The following ITGA11 variants were observed in gnomAD, a reference collection of about 807,000 sequenced individuals.
ITGA11 encodes integrin subunit alpha 11.
Under a neutral mutation model 141.9 loss-of-function variants are expected in ITGA11, and 97 were observed. The ratio of observed to expected loss-of-function variants is 0.68; its 90% CI spans 0.58 to 0.81. The LOEUF (loss-of-function observed/expected upper bound fraction) is 0.81, where lower values mean the gene tolerates loss of function less well. Ranked by LOEUF, ITGA11 falls within the 30% of genes least tolerant of loss-of-function variation. The pLI, the probability that ITGA11 is intolerant of heterozygous loss-of-function variation, is 0.00. For missense variants in ITGA11, 1,387 were observed against 1,559.2 expected (o/e 0.89, Z 1.86); for synonymous variants, 658 against 624.6 (o/e 1.05, Z -0.80).
chr15:68,381,095 TCA>T (rs1236583605), intron 2 of ITGA11, among the ~76,000 whole-genome samples: 1 of 152,152 alleles, frequency 6.6e-6, no homozygotes, highest in Non-Finnish European at 1.5e-5. Context: ...CCATGGGAAC[TCA>T]CAGACCTCTT....
Position 68,333,689 on chromosome 15 carries a change from A to C in ITGA11, c.1426-1211T>G, listed in dbSNP as rs1478483123. Among the ~76,000 whole-genome samples, 2 of 152,180 alleles carry C rather than the reference A, an allele frequency of 1.3e-5. No homozygotes were observed. The highest frequency in any genetic ancestry group is 2.1e-4 in the South Asian group (1 of 4,830). ...GCCTTCTAAAGGGCCTTCCAGCCTC[A>C]GGCTGGCCCCTTCAGCCCACCCCCA... On this transcript the variant is annotated intron_variant, in intron 12 of 29. Transcript: ENST00000315757. The surrounding 1 kb of genome is among the most constrained non-coding windows in gnomAD (Gnocchi z 4.2).
At chr15:68,386,865 G>A (rs970865607) in intron 2 of ITGA11, among the ~76,000 whole-genome samples, 1 of 152,194 alleles carries the variant, frequency 6.6e-6, no homozygotes, top group African/African-American at 2.4e-5. Context: ...GTACAAGACA[G>A]GCTGATGAGA....
At chr15:68,403,817 T>C (rs1384481178) in intron 1 of ITGA11, among the ~76,000 whole-genome samples, 5 of 152,024 alleles carry the variant, frequency 3.3e-5, no homozygotes, top group Non-Finnish European at 5.9e-5. Context: ...ATTTATTTTT[T>C]AGTAGAGACA....
chr15:68,392,602 T>C (rs1199183168), intron 2 of ITGA11, among the ~76,000 whole-genome samples: 1 of 152,202 alleles, frequency 6.6e-6, no homozygotes, highest in African/African-American at 2.4e-5. Flanking sequence ...TCCTAAGCTG[T>C]GTATGCATAG....
intron 1 of ITGA11, among the ~76,000 whole-genome samples, chr15:68,406,903 GA>G (rs1468105534): frequency 1.3e-5 from 2 of 152,186 alleles, no homozygotes; most frequent in African/African-American, 4.8e-5. Context: ...CCAACCCCAT[GA>G]GACAGATACA....
intron 10 of ITGA11, among the ~76,000 whole-genome samples, chr15:68,347,563 C>T (rs1332082230): frequency 6.6e-6 from 1 of 152,168 alleles, no homozygotes; most frequent in South Asian, 2.1e-4. Flanking sequence ...GTGGCATTTC[C>T]GTCCATCTGC....
rs1378572476 is a variant in ITGA11 at position 68,411,585 on chromosome 15, G to A, written c.53-8556C>T. On this transcript the variant is annotated intron_variant, in intron 1 of 29. Transcript: ENST00000315757. Reference sequence around the variant, plus strand: ...GAGGAACTGGAGGCACAGCGATCCCGTAACTTGTCCCAAGTCACACATCTA... The same window carrying A: ...GAGGAACTGGAGGCACAGCGATCCCATAACTTGTCCCAAGTCACACATCTA... Among the ~76,000 whole-genome samples the A allele has an allele frequency of 2.6e-5, 4 of 152,214 alleles. No individual in the cohort carries two copies. The South Asian group carries it at 6.2e-4, about 24-fold the overall frequency.
rs1420760643 is a variant in ITGA11, at chr15:68,326,246, C to T, written c.2211+408G>A. Among the ~76,000 whole-genome samples the T allele has an allele frequency of 1.3e-5, 2 of 152,246 alleles. No homozygotes were observed. Among genetic ancestry groups the T allele is most frequent in the Admixed American group, 6.5e-5 (1 of 15,284 alleles). The stretch of plus-strand genomic sequence containing the variant: ...GGCCACTACCCTACTTGTGACATCA[C>T]TGGCGCCCCTCTCTGTCTCACCTCC... On this transcript the variant is annotated intron_variant, in intron 17 of 29. Coordinates refer to ENST00000315757, the MANE Select transcript of ITGA11 (RefSeq NM_001004439.2). This position sits in a 1 kb window ranked among gnomAD's most constrained non-coding sequence, Gnocchi z 6.8.
chr15:68,432,007 G>C lies in ITGA11; in HGVS notation c.52+8C>G. ...AGAGGCAAGGGGAGGCAGAGGGTGG[G>C]CACCTACCTGGCCACAGGCTGAGCG... is the stretch of plus-strand genomic sequence containing the variant. On this transcript the variant is annotated splice_region_variant and intron_variant, in intron 1 of 29. Transcript: ENST00000315757. 1 of 1,311,216 alleles carries C rather than the reference G, an allele frequency of 7.6e-7. No homozygotes were observed. The highest frequency in any genetic ancestry group is 9.7e-7 in the Non-Finnish European group (1 of 1,025,848). The allele number at this position is 1,311,216 out of a possible 1,614,324, so 81.2% of individuals were successfully genotyped here.
At chr15:68,319,285 CACCACCACT>C (rs1475968217) in intron 20 of ITGA11, among the ~76,000 whole-genome samples, 19 of 152,366 alleles carry the variant, frequency 1.2e-4, no homozygotes, top group African/African-American at 3.6e-4. Context: ...GGGACACCAC[CACCACCACT>C]ACCACCACTA....
At position 68,348,866 on chromosome 15, in the gene ITGA11, C is replaced by T. The variant is rs774046677; in HGVS notation, c.1095G>A (p.Glu365=). ...TNKNETSFGL[E]MSQTGFSSHV... is the part of the protein sequence containing the mutation. The stretch of plus-strand genomic sequence containing the variant: ...GCGAGGAAAAGCCCGTCTGTGACAT[C>T]TCCAGCCCAAAGGAGGTCTCGTTCT... The change falls in exon 10 of 30, where the codon GAG becomes GAA. Residue 365 remains glutamate (E), a synonymous_variant. Coordinates refer to ENST00000315757, the MANE Select transcript of ITGA11 (RefSeq NM_001004439.2). 4 of 1,609,448 alleles carry T rather than the reference C, an allele frequency of 2.5e-6. No homozygotes were observed. Among genetic ancestry groups the T allele is most frequent in the Non-Finnish European group, 3.4e-6 (4 of 1,177,964 alleles).
At position 68,321,559 on chromosome 15, in the gene ITGA11, C is replaced by T. The variant is rs1893814545; in HGVS notation, c.2323-56G>A. 1 of 1,149,630 alleles carries T rather than the reference C, an allele frequency of 8.7e-7. No homozygotes were observed. Among genetic ancestry groups the T allele is most frequent in the African/African-American group, 1.6e-5 (1 of 62,722 alleles). The allele number at this position is 1,149,630 out of a possible 1,614,324, so 71.2% of individuals were successfully genotyped here. ...TGGGTAGGGACCCGCAGCCCCTCGC[C>T]CTCAATGTACACCAGCTCTGTCTCC... On this transcript the variant is annotated intron_variant, in intron 18 of 29. Coordinates refer to ENST00000315757, the MANE Select transcript of ITGA11 (RefSeq NM_001004439.2). This position sits in a 1 kb window ranked among gnomAD's most constrained non-coding sequence, Gnocchi z 4.9.
chr15:68,322,991 C>T lies in ITGA11; in HGVS notation c.2323-1488G>A, dbSNP rs570111226. ...GATATTCAAGCCTGGAGCTGAGGGG[C>T]AGTAACTGTCACTACCGACAACACA... On this transcript the variant is annotated intron_variant, in intron 18 of 29. Coordinates refer to ENST00000315757, the MANE Select transcript of ITGA11 (RefSeq NM_001004439.2). This position sits in a 1 kb window ranked among gnomAD's most constrained non-coding sequence, Gnocchi z 5.6. Among the ~76,000 whole-genome samples the T allele has an allele frequency of 2.0e-5, 3 of 152,266 alleles. No individual in the cohort carries two copies. The highest frequency in any genetic ancestry group is 4.4e-5 in the Non-Finnish European group (3 of 68,022).
At position 68,357,161 on chromosome 15, in the gene ITGA11, C is replaced by T; in HGVS notation, c.739G>A (p.Glu247Lys). 2 of 1,610,596 alleles carry T rather than the reference C, an allele frequency of 1.2e-6. No homozygotes were observed. Among genetic ancestry groups the T allele is most frequent in the Non-Finnish European group, 1.7e-6 (2 of 1,179,126 alleles). The change falls in exon 7 of 30, where the codon GAA becomes AAA. Residue 247 changes from glutamate (E) to lysine (K), a missense_variant. Physicochemically the swap from Glu to Lys is moderately conservative, Grantham distance 56 (BLOSUM62 1). Transcript: ENST00000315757. ...CTACTTTTTTTTTACCGTGCAAATT[C>T]AATGCCAAATGCCGTCCGGGTCTCT... is the stretch of plus-strand genomic sequence containing the variant. The part of the protein sequence containing the change: ...GTETRTAFGI[E>K]FARSEAFQKG...
At chr15:68,397,428 A>ATATATTATTTATTAT (rs1896324301) in intron 2 of ITGA11, among the ~76,000 whole-genome samples, 2 of 19,140 alleles carry the variant, frequency 1.0e-4, no homozygotes, top group African/African-American at 6.3e-4. Context: ...TATAAATATT[A>ATATATTATTTATTAT]ATATAATAAT....
intron 7 of ITGA11, among the ~76,000 whole-genome samples, chr15:68,351,732 C>G (rs1894916851): frequency 6.6e-6 from 1 of 151,274 alleles, no homozygotes; most frequent in Admixed American, 6.6e-5. Context: ...CCTTTAGAGG[C>G]ATTAAGTCAG....
At chr15:68,395,169 G>C (rs553459250) in intron 2 of ITGA11, among the ~76,000 whole-genome samples, 1 of 152,280 alleles carries the variant, frequency 6.6e-6, no homozygotes, top group East Asian at 1.9e-4. Context: ...AACCCCATCT[G>C]TAGGTCACCA....
Position 68,310,113 on chromosome 15 carries a change from T to C in ITGA11, c.3174+881A>G, listed in dbSNP as rs190951518. Reference sequence around the variant, plus strand: ...AAAAATAAATTCCTTTAAGTAATCATGATTAAGGTAATCCTGATTATTCTG... The same window carrying C: ...AAAAATAAATTCCTTTAAGTAATCACGATTAAGGTAATCCTGATTATTCTG... On this transcript the variant is annotated intron_variant, in intron 26 of 29. Transcript: ENST00000315757. Among the ~76,000 whole-genome samples, 786 of 152,324 alleles carry C rather than the reference T, an allele frequency of 5.2e-3. 5 individuals are homozygous for C. The highest frequency in any genetic ancestry group is 0.018 in the African/African-American group (742 of 41,572).
At position 68,305,012 on chromosome 15, in the gene ITGA11, T is replaced by TTATGC; in HGVS notation, c.3382-1132_3382-1128dup. On this transcript the variant is annotated intron_variant, in intron 28 of 29. Coordinates refer to ENST00000315757, the MANE Select transcript of ITGA11 (RefSeq NM_001004439.2). The surrounding 1 kb of genome is among the most constrained non-coding windows in gnomAD (Gnocchi z 4.6). ...GATCCTTCTAACGAGGAAGGCAGGC[T>TTATGC]TATGCTCTGCTCTGCTCTGCTCAAG... Among the ~76,000 whole-genome samples the TTATGC allele has an allele frequency of 6.6e-6, 1 of 152,184 alleles. No individual in the cohort carries two copies. Among genetic ancestry groups the TTATGC allele is most frequent in the East Asian group, 1.9e-4 (1 of 5,186 alleles).
Sources: allele counts gnomAD v4.1 joint callset (sites outside exome capture counted in the v4.1 genomes callset), GRCh38; gene constraint gnomAD v4.1.1; non-coding constraint Gnocchi (gnomAD v3.1); transcripts MANE v1.5; gene names NCBI Gene and HGNC (gene_info 2026-07-23, HGNC 2026-07-21).